PCYT2: variants seen among roughly 807,000 people sequenced by gnomAD.
PCYT2 encodes the protein phosphate cytidylyltransferase 2, ethanolamine.
A neutral mutation model predicts 50.0 loss-of-function variants in PCYT2; 33 were observed. The observed-to-expected ratio is 0.66, with a 90% CI of 0.50 to 0.88. The LOEUF (loss-of-function observed/expected upper bound fraction) is 0.88, where lower values mean the gene tolerates loss of function less well. PCYT2 is among the 40% of genes least tolerant of loss of function. PCYT2 has a pLI of 0.00. For synonymous variants in PCYT2, 240 were observed against 203.7 expected (o/e 1.18, Z -1.52); for missense variants, 430 against 519.7 (o/e 0.83, Z 1.68).
At chr17:81,905,294 C>T (rs889030619) in intron 11 of PCYT2, 88 bp downstream of exon 11, 8 of 1,365,104 alleles carry the variant, frequency 5.9e-6, no homozygotes, top group African/African-American at 2.9e-5. Flanking sequence ...CCACCATGCC[C>T]GTTTCCCAGG....
chr17:81,907,024 GACAC>G (rs1000641262), intron 6 of PCYT2, 126 bp from the exon 7 acceptor site: 5 of 1,206,968 alleles, frequency 4.1e-6, no homozygotes, highest in Admixed American at 4.6e-5. Context: ...TCGGGCAGGG[GACAC>G]ACTGCCAGGC....
intron 6 of PCYT2, 112 bp downstream of exon 6, chr17:81,907,442 G>A (rs1290344406): frequency 2.3e-6 from 3 of 1,276,874 alleles, no homozygotes; most frequent in African/African-American, 1.5e-5. Context: ...CAGGGACAGA[G>A]GGAGGAGGGT....
Position 81,909,650 on chromosome 17 carries a change from C to T in PCYT2, c.90-48G>A, listed in dbSNP as rs74006132. ...TGGTCCCTGTGCCAAGGGTGGGGAC[C>T]AGGTGTCCCTGTGGGTTAGGGGCAG... On this transcript the variant is annotated intron_variant, in intron 1 of 12. Transcript: ENST00000538936. The T allele has an allele frequency of 1.7e-3, 2,511 of 1,456,778 alleles. 23 individuals are homozygous for T. In the African/African-American group the frequency reaches 0.029, roughly 17 times the overall value. The allele number at this position is 1,456,778 out of a possible 1,614,324, so 90.2% of individuals were successfully genotyped here.
Position 81,902,127 on chromosome 17 carries a change from T to G in PCYT2, c.*2706A>C, listed in dbSNP as rs528103474. 147 of 636,808 alleles carry G rather than the reference T, an allele frequency of 2.3e-4. No individual in the cohort carries two copies. The African/African-American group carries it at 2.7e-3, about 12-fold the overall frequency. 39.4% of individuals were successfully genotyped at this position (636,808 alleles called of 1,614,324 possible). A position where few individuals can be genotyped will look rare whatever the true frequency, so the allele number is the denominator to read the frequency against. ...CTTTGGGATGCGGAGGTGCGACGGC[T>G]CCTCCGCGCGCGCCCGCTGCACCCC... On this transcript the variant is annotated 3_prime_UTR_variant, in exon 13 of 13. Transcript: ENST00000538936.
chr17:81,911,286 T>C lies in PCYT2; in HGVS notation c.70A>G (p.Arg24Gly), dbSNP rs2040592643. The C allele has an allele frequency of 2.7e-6, 3 of 1,107,112 alleles. No individual in the cohort carries two copies. In the South Asian group the frequency reaches 6.7e-5, roughly 25 times the overall value. 68.6% of individuals were successfully genotyped at this position (1,107,112 alleles called of 1,614,324 possible). Residue 24 changes from arginine (R) to glycine (G), a missense_variant, in exon 1 of 13, where the codon AGG becomes GGG. By Grantham distance (125) the Arg-to-Gly change is moderately radical. Transcript: ENST00000538936. The part of the protein sequence containing the change: ...QPGPGGRRAV[R>G]VWCDGCYDMV... The stretch of plus-strand genomic sequence containing the variant: ...GCTCACCAGCCATCGCACCACACCC[T>C]CACGGCGCGCCTGCCCCCCGGGCCC...
At position 81,906,148 on chromosome 17, in the gene PCYT2, G is replaced by A. The variant is rs766031610; in HGVS notation, c.789C>T (p.Tyr263=). 12 of 1,613,032 alleles carry A rather than the reference G, an allele frequency of 7.4e-6. No homozygotes were observed. The Admixed American group carries it at 1.5e-4, about 20-fold the overall frequency. The part of the protein sequence containing the change: ...QEVNHYKGKN[Y]PIMNLHERTL... Reference sequence around the variant, plus strand: ...TCCGTTCATGCAGATTCATGATGGGGTAGTTCTTCCCCTTGTAGTGATTGA... The same window carrying A: ...TCCGTTCATGCAGATTCATGATGGGATAGTTCTTCCCCTTGTAGTGATTGA... The change falls in exon 9 of 13, where the codon TAC becomes TAT. Residue 263 remains tyrosine (Y), a synonymous_variant. Coordinates refer to ENST00000538936, the MANE Select transcript of PCYT2 (RefSeq NM_002861.5).
intron 6 of PCYT2, chr17:81,907,139 G>T (rs958486360): frequency 7.5e-7 from 1 of 1,340,328 alleles, no homozygotes; most frequent in Non-Finnish European, 1.0e-6. Context: ...GAGGCAAGGA[G>T]CCCTGTGGCA....
intron 1 of PCYT2, among the ~76,000 whole-genome samples, chr17:81,910,281 C>T (rs1027704123): frequency 3.4e-4 from 51 of 152,230 alleles, no homozygotes; most frequent in African/African-American, 7.2e-5. Flanking sequence ...CTGGCTTCTT[C>T]GCCACTTCTT....
chr17:81,905,596 C>T, intron 10 of PCYT2, 74 bp downstream of exon 10: 2 of 1,513,106 alleles, frequency 1.3e-6, no homozygotes, highest in Non-Finnish European at 9.2e-7. Flanking sequence ...GAGCCCACAG[C>T]CAGCCTGCAT....
intron 3 of PCYT2, 74 bp downstream of exon 3, chr17:81,908,802 G>T: frequency 6.8e-7 from 1 of 1,466,792 alleles, no homozygotes; most frequent in South Asian, 1.2e-5. Flanking sequence ...CCTGTTCCCG[G>T]ATGTCCCACC....
chr17:81,905,801 G>T, intron 9 of PCYT2, 66 bp from the exon 10 acceptor site: 2 of 1,523,530 alleles, frequency 1.3e-6, no homozygotes, highest in East Asian at 4.5e-5. Context: ...GGGCCACAGG[G>T]TGGTGAGAGA....
rs1355010086 is a variant in PCYT2 at position 81,900,967 on chromosome 17, T to G, written c.*3866A>C. On this transcript the variant is annotated 3_prime_UTR_variant, in exon 13 of 13. Coordinates refer to ENST00000538936, the MANE Select transcript of PCYT2 (RefSeq NM_002861.5). ...GAGACAGGACTCTATATGAAGAGTA[T>G]ATATGAAGAGTTTATTGGGAGTATT... is the stretch of plus-strand genomic sequence containing the variant. 1 of 152,128 alleles carries G rather than the reference T, an allele frequency of 6.6e-6. No individual in the cohort carries two copies. The highest frequency in any genetic ancestry group is 2.4e-5 in the African/African-American group (1 of 41,416). 9.4% of individuals were successfully genotyped at this position (152,128 alleles called of 1,614,324 possible).
rs1305183328 is a variant in PCYT2 at position 81,911,394 on chromosome 17, G to A, written c.-39C>T. 4.6e-5 allele frequency: 46 copies of A among 990,948 alleles called. No individual in the cohort carries two copies. The highest frequency in any genetic ancestry group is 5.5e-5 in the Non-Finnish European group (46 of 833,752). The allele number at this position is 990,948 out of a possible 1,614,324, so 61.4% of individuals were successfully genotyped here. ...CGGCGCGGACAGCCTGGCAGCTCCC[G>A]GCGACTCCGAGCGCCGCCGCCCGCC... On this transcript the variant is annotated 5_prime_UTR_variant, in exon 1 of 13. Coordinates refer to ENST00000538936, the MANE Select transcript of PCYT2 (RefSeq NM_002861.5).
Position 81,908,559 on chromosome 17 carries a change from G to A in PCYT2, c.407+9C>T, listed in dbSNP as rs1424805850. The A allele has an allele frequency of 2.5e-6, 4 of 1,609,688 alleles. No homozygotes were observed. The highest frequency in any genetic ancestry group is 4.5e-5 in the East Asian group (2 of 44,876). ...TCCCTGGATGGCCAGGCCCGCGGTGGAGACTCACCTGTACCTCCCAGCCTG... is the reference window on the plus strand; with the variant it reads ...TCCCTGGATGGCCAGGCCCGCGGTGAAGACTCACCTGTACCTCCCAGCCTG... On this transcript the variant is annotated intron_variant, in intron 4 of 12. Coordinates refer to ENST00000538936, the MANE Select transcript of PCYT2 (RefSeq NM_002861.5).
At position 81,911,332 on chromosome 17, in the gene PCYT2, A is replaced by G; in HGVS notation, c.24T>C (p.Ala8=). 2 of 1,111,306 alleles carry G rather than the reference A, an allele frequency of 1.8e-6. No homozygotes were observed. Among genetic ancestry groups the G allele is most frequent in the Non-Finnish European group, 2.2e-6 (2 of 902,082 alleles). 68.8% of individuals were successfully genotyped at this position (1,111,306 alleles called of 1,614,324 possible). MIRNGRG[A]AGGAEQPGPG... ...GGCCCGGCTGCTCTGCGCCGCCTGC[A>G]GCCCCGCGCCCGTTCCGGATCATGG... The change falls in exon 1 of 13, where the codon GCT becomes GCC. Residue 8 remains alanine (A), a synonymous_variant. Transcript: ENST00000538936.
intron 1 of PCYT2, 166 bp downstream of exon 1, chr17:81,911,101 G>A: frequency 1.0e-6 from 1 of 1,002,564 alleles, no homozygotes; most frequent in Admixed American, 5.9e-5. Context: ...AGCCTCTGCA[G>A]CCCGACCCTC....
At chr17:81,907,501 G>C in intron 6 of PCYT2, 53 bp downstream of exon 6, 1 of 1,551,998 alleles carries the variant, frequency 6.4e-7, no homozygotes, top group South Asian at 1.2e-5. Flanking sequence ...ACAGGTGGCC[G>C]GGGGAGCCCC....
At chr17:81,910,578 C>A (rs545013919) in intron 1 of PCYT2, among the ~76,000 whole-genome samples, 37 of 152,322 alleles carry the variant, frequency 2.4e-4, no homozygotes, top group African/African-American at 8.2e-4. Context: ...TCAAAGTCCA[C>A]TGACACAAAG....
At position 81,906,107 on chromosome 17, in the gene PCYT2, G is replaced by A. The variant is rs775864287; in HGVS notation, c.830C>T (p.Ala277Val). 1.2e-6 allele frequency: 2 copies of A among 1,611,642 alleles called. No homozygotes were observed. The highest frequency in any genetic ancestry group is 1.7e-6 in the Non-Finnish European group (2 of 1,178,818). The change falls in exon 9 of 13, where the codon GCC (alanine) becomes GTC (valine). Residue 277 changes from alanine to valine, a missense_variant. Ala to Val is a moderately conservative substitution (Grantham distance 64). This residue lies in a region of PCYT2 where 248 missense variants were observed against 300.2 expected (regional missense o/e 0.83). Coordinates refer to ENST00000538936, the MANE Select transcript of PCYT2 (RefSeq NM_002861.5). ...NLHERTLSVL[A>V]CRYVSEVVIG... The stretch of plus-strand genomic sequence containing the variant: ...CTCCTGGCCCCCACTCACCCGGCAG[G>A]CCAGCACGCTCAGAGTCCGTTCATG...
Sources: allele counts gnomAD v4.1 joint callset (sites outside exome capture counted in the v4.1 genomes callset), GRCh38; gene constraint gnomAD v4.1.1; regional missense constraint gnomAD v4.1.1; transcripts MANE v1.5; gene names NCBI Gene and HGNC (gene_info 2026-07-23, HGNC 2026-07-21).